FSTL5: variants seen among roughly 807,000 people sequenced by gnomAD.
The protein encoded by FSTL5 is follistatin like 5.
In FSTL5, 62 loss-of-function variants were observed where a neutral mutation model predicts 89.1. The observed-to-expected ratio is 0.70, with a 90% CI of 0.57 to 0.86. FSTL5 has a LOEUF of 0.86. FSTL5 is among the 40% of genes least tolerant of loss of function. The pLI is 0.00. For synonymous variants in FSTL5, 383 were observed against 346.2 expected, an observed-to-expected ratio of 1.11 and a Z score of -1.18; for missense variants, 1,057 against 1,001.6, an observed-to-expected ratio of 1.06 and a Z score of -0.75.
intron 3 of FSTL5, among the ~76,000 whole-genome samples, chr4:161,971,580 A>G (rs992214485): frequency 1.1e-4 from 17 of 152,238 alleles, no homozygotes; most frequent in Admixed American, 3.9e-4. Context: ...TGGAATATGA[A>G]TTGTAATTAC....
At chr4:161,712,965 G>A (rs544662496) in intron 6 of FSTL5, among the ~76,000 whole-genome samples, 4 of 152,122 alleles carry the variant, frequency 2.6e-5, no homozygotes, top group East Asian at 3.9e-4. Flanking sequence ...TTATTATACC[G>A]CCTGCAGAAC....
intron 3 of FSTL5, among the ~76,000 whole-genome samples, chr4:161,997,601 C>CTTTTTTT (rs60978465): frequency 2.3e-5 from 3 of 129,318 alleles, no homozygotes; most frequent in Non-Finnish European, 3.2e-5. Context: ...TACATGTTAT[C>CTTTTTTT]TTTTTTTTTT....
intron 6 of FSTL5, among the ~76,000 whole-genome samples, chr4:161,727,200 T>C (rs932221848): frequency 6.6e-6 from 1 of 152,162 alleles, no homozygotes; most frequent in Non-Finnish European, 1.5e-5. Context: ...TGCTTGACCT[T>C]ATACATATTT....
intron 6 of FSTL5, among the ~76,000 whole-genome samples, chr4:161,679,816 A>C (rs1018268967): frequency 1.6e-4 from 24 of 151,802 alleles, no homozygotes; most frequent in African/African-American, 5.6e-4. Flanking sequence ...TCACGTGTGT[A>C]ATCAATTTTT....
At chr4:162,029,657 T>G (rs1737442180) in intron 3 of FSTL5, among the ~76,000 whole-genome samples, 1 of 152,110 alleles carries the variant, frequency 6.6e-6, no homozygotes, top group South Asian at 2.1e-4. Flanking sequence ...ATCATCGATT[T>G]TTTTTCTTAA....
Position 161,578,304 on chromosome 4 carries a change from C to T in FSTL5, c.1015+9151G>A, listed in dbSNP as rs533742315. 2.3e-4 allele frequency among the ~76,000 whole-genome samples: 35 copies of T among 151,902 alleles called. No homozygotes were observed. The East Asian group carries it at 6.8e-3, about 29-fold the overall frequency. On this transcript the variant is annotated intron_variant, in intron 8 of 15. Coordinates refer to ENST00000306100, the MANE Select transcript of FSTL5 (RefSeq NM_020116.5). The stretch of plus-strand genomic sequence containing the variant: ...TTTATGTCGTTGAAAAATATAATAT[C>T]TAAAATAAATTTAGGAAAAAGAACT...
intron 1 of FSTL5, among the ~76,000 whole-genome samples, chr4:162,124,716 C>T (rs58392142): frequency 0.068 from 10,276 of 151,816 alleles, 736 homozygotes; most frequent in African/African-American, 0.18. Context: ...TGTTTTTTTT[C>T]TGAGACAGAG....
At chr4:161,736,881 A>G (rs1460761094) in intron 6 of FSTL5, among the ~76,000 whole-genome samples, 1 of 152,098 alleles carries the variant, frequency 6.6e-6, no homozygotes, top group Non-Finnish European at 1.5e-5. Flanking sequence ...ATTGTAAATA[A>G]TAAAGAGCCA....
chr4:161,506,641 G>A (rs1008740564), intron 11 of FSTL5, among the ~76,000 whole-genome samples: 1 of 151,846 alleles, frequency 6.6e-6, no homozygotes, highest in South Asian at 2.1e-4. Context: ...CTGTATTTCC[G>A]AACCTCCCTG....
At chr4:161,963,036 C>T (rs930275077) in intron 3 of FSTL5, among the ~76,000 whole-genome samples, 1 of 151,916 alleles carries the variant, frequency 6.6e-6, no homozygotes, top group Non-Finnish European at 1.5e-5. Flanking sequence ...TTTTGTTTAG[C>T]TCAAACTTAC....
chr4:161,957,947 A>G (rs1735069695), intron 3 of FSTL5, among the ~76,000 whole-genome samples: 1 of 152,064 alleles, frequency 6.6e-6, no homozygotes, highest in Non-Finnish European at 1.5e-5. Context: ...TGTCCACCTT[A>G]ACTTCAATTT....
At chr4:161,813,276 G>A (rs968754186) in intron 4 of FSTL5, among the ~76,000 whole-genome samples, 2 of 151,952 alleles carry the variant, frequency 1.3e-5, no homozygotes, top group Non-Finnish European at 2.9e-5. Flanking sequence ...TGATCTGCCC[G>A]CCTTGGCCTC....
At chr4:161,669,212 T>TA (rs1034911916) in intron 6 of FSTL5, among the ~76,000 whole-genome samples, 13 of 151,932 alleles carry the variant, frequency 8.6e-5, no homozygotes, top group African/African-American at 2.9e-4. Flanking sequence ...ATTATCAAGA[T>TA]ATCAGTTTTT....
intron 8 of FSTL5, among the ~76,000 whole-genome samples, chr4:161,556,200 C>G (rs1384745959): frequency 6.6e-6 from 1 of 151,332 alleles, no homozygotes; most frequent in African/African-American, 2.4e-5. Context: ...TATATATATA[C>G]CCTGTAAATA....
chr4:162,085,004 T>G (rs1195768471), intron 2 of FSTL5, among the ~76,000 whole-genome samples: 5 of 152,018 alleles, frequency 3.3e-5, no homozygotes, highest in African/African-American at 4.8e-5. Context: ...AGAATGGAAT[T>G]TTGTCCTTAG....
intron 1 of FSTL5, among the ~76,000 whole-genome samples, chr4:162,121,286 C>T (rs1164109545): frequency 6.6e-6 from 1 of 151,848 alleles, no homozygotes; most frequent in Non-Finnish European, 1.5e-5. Flanking sequence ...CATAATATTA[C>T]AGTAGGCTGG....
intron 4 of FSTL5, among the ~76,000 whole-genome samples, chr4:161,865,982 G>A (rs1052149858): frequency 3.3e-5 from 5 of 152,106 alleles, no homozygotes; most frequent in Admixed American, 1.3e-4. Flanking sequence ...TAGAAAAGAG[G>A]GGGCAGAACT....
intron 4 of FSTL5, among the ~76,000 whole-genome samples, chr4:161,888,734 AT>A (rs1732892976): frequency 6.6e-6 from 1 of 152,082 alleles, no homozygotes; most frequent in Non-Finnish European, 1.5e-5. Flanking sequence ...TCATGATTTG[AT>A]TCTGTCTCTT....
chr4:161,429,897 G>C (rs953048531), intron 15 of FSTL5, among the ~76,000 whole-genome samples: 1 of 151,988 alleles, frequency 6.6e-6, no homozygotes, highest in Non-Finnish European at 1.5e-5. Context: ...AACTAAATAA[G>C]TCACCTGGGA....
Sources: allele counts gnomAD v4.1 joint callset (sites outside exome capture counted in the v4.1 genomes callset), GRCh38; gene constraint gnomAD v4.1.1; transcripts MANE v1.5; gene names NCBI Gene and HGNC (gene_info 2026-07-23, HGNC 2026-07-21).